Variants in ZNF385B observed in about 807,000 individuals in gnomAD.
The protein encoded by ZNF385B is zinc finger protein 533.
Under a neutral mutation model 39.2 loss-of-function variants are expected in ZNF385B, and 23 were observed. That is an observed-to-expected ratio of 0.59 (90% CI 0.42 to 0.83). The LOEUF is 0.83. ZNF385B is among the 40% of genes least tolerant of loss of function. The pLI is 0.00. For missense variants in ZNF385B, 552 were observed against 598.9 expected (o/e 0.92, Z 0.82); for synonymous variants, 205 against 222.6 (o/e 0.92, Z 0.70).
At position 179,800,405 on chromosome 2, in the gene ZNF385B, A is replaced by G. The variant is rs182549313; in HGVS notation, c.-154-29733T>C. On this transcript the variant is annotated intron_variant, in intron 1 of 9. Coordinates refer to ENST00000410066, the MANE Select transcript of ZNF385B (RefSeq NM_152520.6). ...CCATTAAAATTGTTCATTCTTGCCTATGAGCTCTGAACATGATTTCAGTTT... is the reference window on the plus strand; with the variant it reads ...CCATTAAAATTGTTCATTCTTGCCTGTGAGCTCTGAACATGATTTCAGTTT... Among the ~76,000 whole-genome samples the G allele has an allele frequency of 5.9e-5, 9 of 152,194 alleles. No individual in the cohort carries two copies. In the East Asian group the frequency reaches 1.7e-3, roughly 29 times the overall value.
chr2:179,786,678 T>C (rs1272599379), intron 1 of ZNF385B, among the ~76,000 whole-genome samples: 4 of 151,844 alleles, frequency 2.6e-5, no homozygotes, highest in East Asian at 1.9e-4. Flanking sequence ...GGCAGTGATA[T>C]GACAGGTTTC....
intron 3 of ZNF385B, among the ~76,000 whole-genome samples, chr2:179,553,995 A>C (rs2060743591): frequency 6.7e-6 from 1 of 149,152 alleles, no homozygotes; most frequent in Admixed American, 6.7e-5. Context: ...ACCTTGGACA[A>C]GTTATTTTAC....
Position 179,736,381 on chromosome 2 carries a change from C to T in ZNF385B, c.298+33122G>A, listed in dbSNP as rs1410515388. On this transcript the variant is annotated intron_variant, in intron 3 of 9. Coordinates refer to ENST00000410066, the MANE Select transcript of ZNF385B (RefSeq NM_152520.6). ...TTTGCTTGACAAATCAAAGCACAAA[C>T]TTTAGTCCCTGTTGTTGGTCCTCCC... Among the ~76,000 whole-genome samples the T allele has an allele frequency of 2.0e-5, 3 of 152,086 alleles. No individual in the cohort carries two copies. The East Asian group carries it at 5.8e-4, about 29-fold the overall frequency.
chr2:179,515,279 T>A (rs2058011135), intron 5 of ZNF385B, among the ~76,000 whole-genome samples: 1 of 152,234 alleles, frequency 6.6e-6, no homozygotes, highest in South Asian at 2.1e-4. Context: ...TATTTGTGAG[T>A]GGCTTTAAAC....
rs180671625 is a variant in ZNF385B, at chr2:179,542,517, T to G, written c.441+2310A>C. Among the ~76,000 whole-genome samples, 9 of 152,210 alleles carry G rather than the reference T, an allele frequency of 5.9e-5. No individual in the cohort carries two copies. In the East Asian group the frequency reaches 1.7e-3, roughly 29 times the overall value. On this transcript the variant is annotated intron_variant, in intron 4 of 9. Transcript: ENST00000410066. Reference sequence around the variant, plus strand: ...TCTTTGGGTTTTCTCAAATATATCATAAGATTAATTGCTGTGTACAATTAA... The same window carrying G: ...TCTTTGGGTTTTCTCAAATATATCAGAAGATTAATTGCTGTGTACAATTAA...
chr2:179,698,482 C>T (rs1050941030), intron 3 of ZNF385B, among the ~76,000 whole-genome samples: 1 of 152,160 alleles, frequency 6.6e-6, no homozygotes, highest in Non-Finnish European at 1.5e-5. Context: ...TAGAGTATCC[C>T]ATAAATTCCA....
intron 1 of ZNF385B, among the ~76,000 whole-genome samples, chr2:179,856,344 G>T (rs1423819019): frequency 2.0e-5 from 3 of 152,078 alleles, no homozygotes; most frequent in South Asian, 4.2e-4. Context: ...CCCTCAACCT[G>T]CTCCTCCTTC....
At chr2:179,493,758 T>TATATGTATACATATGTGTATATACAC (rs2055753993) in intron 5 of ZNF385B, among the ~76,000 whole-genome samples, 1 of 128,718 alleles carries the variant, frequency 7.8e-6, no homozygotes, top group Non-Finnish European at 1.7e-5. Flanking sequence ...TGTATATACA[T>TATATGTATACATATGTGTATATACAC]ATATGTATAC....
chr2:179,678,175 AC>A (rs1226857599), intron 3 of ZNF385B, among the ~76,000 whole-genome samples: 1 of 152,238 alleles, frequency 6.6e-6, no homozygotes, highest in African/African-American at 2.4e-5. Context: ...TATATGAGAT[AC>A]AAAAATTATC....
At chr2:179,641,795 C>T (rs574502056) in intron 3 of ZNF385B, among the ~76,000 whole-genome samples, 36 of 152,164 alleles carry the variant, frequency 2.4e-4, no homozygotes, top group Middle Eastern at 3.4e-3. Flanking sequence ...AAAGGAAGGA[C>T]GAGCCCTTTT....
intron 3 of ZNF385B, among the ~76,000 whole-genome samples, chr2:179,697,507 T>A (rs922331503): frequency 1.6e-4 from 25 of 152,186 alleles, no homozygotes; most frequent in African/African-American, 5.3e-4. Context: ...TGCTGAACTG[T>A]GAGTCAGTTA....
chr2:179,728,766 A>G (rs977826009), intron 3 of ZNF385B, among the ~76,000 whole-genome samples: 1 of 151,942 alleles, frequency 6.6e-6, no homozygotes, highest in Non-Finnish European at 1.5e-5. Flanking sequence ...AACACTGAAG[A>G]ACGAGTAATA....
chr2:179,515,640 TATC>T (rs1426652555), intron 5 of ZNF385B, among the ~76,000 whole-genome samples: 1 of 152,226 alleles, frequency 6.6e-6, no homozygotes, highest in Non-Finnish European at 1.5e-5. Context: ...ACAAAAGTCT[TATC>T]ATACTTTCAT....
intron 8 of ZNF385B, 71 bp from the exon 9 acceptor site, chr2:179,445,048 G>C: frequency 7.3e-7 from 1 of 1,377,936 alleles, no homozygotes; most frequent in South Asian, 1.2e-5. Flanking sequence ...TTTCTAGGTA[G>C]CTATTTTCTC....
intron 3 of ZNF385B, among the ~76,000 whole-genome samples, chr2:179,618,041 G>A (rs1249313801): frequency 6.6e-6 from 1 of 151,942 alleles, no homozygotes; most frequent in East Asian, 1.9e-4. Flanking sequence ...GAGAAAGAGG[G>A]AACAAAAGAA....
chr2:179,825,238 G>T (rs1707613662), intron 1 of ZNF385B, among the ~76,000 whole-genome samples: 1 of 152,124 alleles, frequency 6.6e-6, no homozygotes, highest in Non-Finnish European at 1.5e-5. Flanking sequence ...AATGCTGTGT[G>T]TCCTTTATAG....
intron 3 of ZNF385B, among the ~76,000 whole-genome samples, chr2:179,623,788 A>G (rs1466026172): frequency 6.6e-6 from 1 of 152,172 alleles, no homozygotes; most frequent in East Asian, 1.9e-4. Context: ...GAGCTCCCCA[A>G]GGCCTTTTCA....
In ZNF385B at chr2:179,553,770, C is replaced by T. The variant is rs575157270; in HGVS notation, c.299-8801G>A. 3.3e-4 allele frequency among the ~76,000 whole-genome samples: 50 copies of T among 149,378 alleles called. 1 individual carries two copies. Among genetic ancestry groups the T allele is most frequent in the Non-Finnish European group, 6.4e-4 (43 of 67,544 alleles). ...AGCTTAAAGCGGTTCTTTTCTGCAA[C>T]GCATCTTAGAGTTTTTAATATACTA... is the stretch of plus-strand genomic sequence containing the variant. On this transcript the variant is annotated intron_variant, in intron 3 of 9. Transcript: ENST00000410066.
At chr2:179,492,531 G>A (rs548324354) in intron 5 of ZNF385B, among the ~76,000 whole-genome samples, 1 of 152,076 alleles carries the variant, frequency 6.6e-6, no homozygotes, top group African/African-American at 2.4e-5. Flanking sequence ...TTTACATTGT[G>A]TCTCCTTTTG....
Sources: gnomAD v4.1 joint callset for allele counts (sites outside exome capture counted in the v4.1 genomes callset) on GRCh38, gnomAD v4.1.1 for gene constraint, MANE v1.5 for transcripts, NCBI Gene and HGNC (gene_info 2026-07-23, HGNC 2026-07-21) for gene names.